CSMD1: variants seen among roughly 807,000 people sequenced by gnomAD.
CSMD1 encodes the protein CUB and Sushi multiple domains 1, also known as CUB and sushi domain-containing protein 1.
Under a neutral mutation model 417.5 loss-of-function variants are expected in CSMD1, and 213 were observed. That is an observed-to-expected ratio of 0.51 (90% CI 0.46 to 0.57). The LOEUF (loss-of-function observed/expected upper bound fraction) is 0.57, where lower values mean the gene tolerates loss of function less well. CSMD1 is among the 20% of genes least tolerant of loss of function. CSMD1 has a pLI of 0.00. For synonymous variants in CSMD1, 2,862 were observed against 1,736.8 expected, an observed-to-expected ratio of 1.65 and a Z score of -16.11; for missense variants, 6,923 against 4,529.7, an observed-to-expected ratio of 1.53 and a Z score of -15.17.
chr8:3,095,126 G>C lies in CSMD1; in HGVS notation c.7138+1723C>G, dbSNP rs188813332. Among the ~76,000 whole-genome samples, 548 of 152,206 alleles carry C rather than the reference G, an allele frequency of 3.6e-3. 2 individuals are homozygous for C. Among genetic ancestry groups the C allele is most frequent in the African/African-American group, 0.012 (516 of 41,526 alleles). On this transcript the variant is annotated intron_variant, in intron 47 of 69. Coordinates refer to ENST00000635120, the MANE Select transcript of CSMD1 (RefSeq NM_033225.6). ...GCTCCTGAAAGTAAGAGACTTAAAA[G>C]CATGGCCAGTATATTTCAATTCAAC...
At chr8:4,810,566 T>C (rs1798840780) in intron 1 of CSMD1, among the ~76,000 whole-genome samples, 1 of 152,104 alleles carries the variant, frequency 6.6e-6, no homozygotes, top group South Asian at 2.1e-4. Context: ...TGTGTGTATG[T>C]GGGGGGTGGT....
chr8:4,066,855 A>G (rs1799277394), intron 3 of CSMD1, among the ~76,000 whole-genome samples: 1 of 152,230 alleles, frequency 6.6e-6, no homozygotes, highest in South Asian at 2.1e-4. Flanking sequence ...AGTAGCCTTG[A>G]TCACTGCTGA....
chr8:4,438,152 A>G (rs1439705133), intron 2 of CSMD1, among the ~76,000 whole-genome samples: 2 of 152,140 alleles, frequency 1.3e-5, no homozygotes, highest in African/African-American at 2.4e-5. Context: ...GTGCTTCCTG[A>G]TTTAGATATT....
Position 4,428,673 on chromosome 8 carries a change from G to A in CSMD1, c.303-8608C>T, listed in dbSNP as rs1797699712. On this transcript the variant is annotated intron_variant, in intron 2 of 69. Transcript: ENST00000635120. ...AGGGCTTATTAAAATAGCTGATAAT[G>A]TCATATTAATAATCCAGGGTTCATT... Among the ~76,000 whole-genome samples, 3 of 152,128 alleles carry A rather than the reference G, an allele frequency of 2.0e-5. No individual in the cohort carries two copies. In the South Asian group the frequency reaches 6.2e-4, roughly 32 times the overall value.
At chr8:3,151,845 G>A (rs1246114545) in intron 39 of CSMD1, among the ~76,000 whole-genome samples, 4 of 152,190 alleles carry the variant, frequency 2.6e-5, no homozygotes, top group African/African-American at 9.6e-5. Context: ...GCTACTCATT[G>A]AGAGGTAGTA....
At chr8:3,532,619 T>C (rs1798029358) in intron 10 of CSMD1, among the ~76,000 whole-genome samples, 1 of 152,216 alleles carries the variant, frequency 6.6e-6, no homozygotes, top group Non-Finnish European at 1.5e-5. Context: ...GTAGATTTAC[T>C]ACGCCAAAAT....
At chr8:3,493,128 T>C (rs974311547) in intron 11 of CSMD1, among the ~76,000 whole-genome samples, 4 of 151,852 alleles carry the variant, frequency 2.6e-5, no homozygotes, top group African/African-American at 7.3e-5. Context: ...CGCCTGTCTC[T>C]AATAATAATA....
chr8:4,985,124 T>C (rs544055139), intron 1 of CSMD1, among the ~76,000 whole-genome samples: 33 of 152,190 alleles, frequency 2.2e-4, no homozygotes, highest in Middle Eastern at 3.4e-3. Flanking sequence ...GAAAATCAAA[T>C]ACCACTGTTC....
chr8:4,082,530 G>C (rs1038400132), intron 3 of CSMD1, among the ~76,000 whole-genome samples: 1 of 151,966 alleles, frequency 6.6e-6, no homozygotes, highest in South Asian at 2.1e-4. Context: ...AAAACTAAAA[G>C]GAAACACACA....
chr8:4,806,877 G>T (rs1379627028), intron 1 of CSMD1, among the ~76,000 whole-genome samples: 1 of 152,064 alleles, frequency 6.6e-6, no homozygotes, highest in Non-Finnish European at 1.5e-5. Context: ...CCTGAAAGAT[G>T]GTCTTACCCT....
chr8:4,575,922 A>T (rs1799114288), intron 2 of CSMD1, among the ~76,000 whole-genome samples: 1 of 152,146 alleles, frequency 6.6e-6, no homozygotes, highest in South Asian at 2.1e-4. Flanking sequence ...TCCAGTGTAA[A>T]TCAAACAATC....
chr8:3,241,246 C>G (rs1177630088), intron 26 of CSMD1, among the ~76,000 whole-genome samples: 1 of 150,160 alleles, frequency 6.7e-6, no homozygotes, highest in African/African-American at 2.4e-5. Context: ...AGAGTATTGT[C>G]TAAGCTGGCA....
chr8:4,575,999 C>T (rs1439144318), intron 2 of CSMD1, among the ~76,000 whole-genome samples: 3 of 152,220 alleles, frequency 2.0e-5, no homozygotes, highest in Non-Finnish European at 2.9e-5. Context: ...TCCAAGCTGC[C>T]GTGATCTCTT....
intron 1 of CSMD1, among the ~76,000 whole-genome samples, chr8:4,721,466 C>G (rs1230040513): frequency 6.6e-6 from 1 of 152,124 alleles, no homozygotes; most frequent in African/African-American, 2.4e-5. Context: ...CTGGAAGATG[C>G]TCAACATCAC....
chr8:4,012,396 T>C (rs1385901916), intron 4 of CSMD1, among the ~76,000 whole-genome samples: 1 of 152,172 alleles, frequency 6.6e-6, no homozygotes, highest in Non-Finnish European at 1.5e-5. Flanking sequence ...TCTCATCCAG[T>C]TTGCGTCGCG....
rs1808582070 is a variant in CSMD1 at position 3,913,265 on chromosome 8, G to C, written c.818+84638C>G. On this transcript the variant is annotated intron_variant, in intron 5 of 69. Transcript: ENST00000635120. The stretch of plus-strand genomic sequence containing the variant: ...AATCCTTGGCACGAGAATGACAATG[G>C]AAGCCATGGGGAGGTTTTTGTCAAA... Among the ~76,000 whole-genome samples, 4 of 152,108 alleles carry C rather than the reference G, an allele frequency of 2.6e-5. No homozygotes were observed. In the South Asian group the frequency reaches 8.3e-4, roughly 32 times the overall value.
intron 12 of CSMD1, among the ~76,000 whole-genome samples, chr8:3,415,577 T>C (rs996752975): frequency 6.6e-6 from 1 of 152,216 alleles, no homozygotes; most frequent in African/African-American, 2.4e-5. Context: ...CACGCTGGTC[T>C]CCAACTCCTG....
chr8:3,201,273 T>A (rs1412260491), intron 32 of CSMD1, among the ~76,000 whole-genome samples: 1 of 152,174 alleles, frequency 6.6e-6, no homozygotes, highest in Non-Finnish European at 1.5e-5. Context: ...TAATCGTTTT[T>A]ATCTCCAGAA....
At chr8:4,081,491 G>A (rs906115826) in intron 3 of CSMD1, among the ~76,000 whole-genome samples, 1 of 152,112 alleles carries the variant, frequency 6.6e-6, no homozygotes, top group Non-Finnish European at 1.5e-5. Context: ...GCCCTACAGG[G>A]AGGCTCACAT....
Sources: allele counts gnomAD v4.1 joint callset (sites outside exome capture counted in the v4.1 genomes callset), GRCh38; gene constraint gnomAD v4.1.1; transcripts MANE v1.5; gene names NCBI Gene and HGNC (gene_info 2026-07-23, HGNC 2026-07-21).